The following GRM8 variants were observed in gnomAD, a reference collection of about 807,000 sequenced individuals.
GRM8 encodes the protein metabotropic glutamate receptor 8.
Under a neutral mutation model 87.2 loss-of-function variants are expected in GRM8, and 47 were observed. The ratio of observed to expected loss-of-function variants is 0.54; its 90% CI spans 0.43 to 0.69. The LOEUF is 0.69. Among genes scored for constraint, GRM8 ranks in the 30% least tolerant of loss-of-function variants. The pLI is 0.00. For missense variants in GRM8, 1,019 were observed against 1,139.2 expected (o/e 0.89, Z 1.52); for synonymous variants, 396 against 404.5 (o/e 0.98, Z 0.25).
Position 126,533,238 on chromosome 7 carries a change from AC to A in GRM8, c.2143del (p.Val715LeufsTer17). ...AATGATGATGTGGGGGGGATCCACA[AC>A]AAACCAGACAAACACTCCAAGGAGC... is the stretch of plus-strand genomic sequence containing the variant. Reference protein sequence around the residue: ...VQLLGVFVWFVVDPPHIIIDY... With the variant: ...VQLLGVFVWFXVDPPHIIIDY... On this transcript the variant is annotated frameshift_variant, in exon 9 of 11. Transcript: ENST00000339582. LOFTEE classifies it high-confidence loss of function. 1 of 1,613,546 alleles carries A rather than the reference AC, an allele frequency of 6.2e-7. No individual in the cohort carries two copies. Among genetic ancestry groups the A allele is most frequent in the Non-Finnish European group, 8.5e-7 (1 of 1,179,896 alleles).
At chr7:126,950,077 C>T (rs1226020529) in intron 3 of GRM8, among the ~76,000 whole-genome samples, 3 of 152,182 alleles carry the variant, frequency 2.0e-5, no homozygotes, top group East Asian at 1.9e-4. Context: ...TTAACTCTAT[C>T]GTTTCTAGGT....
chr7:126,827,257 T>G (rs1315239667), intron 6 of GRM8, among the ~76,000 whole-genome samples: 1 of 152,174 alleles, frequency 6.6e-6, no homozygotes, highest in African/African-American at 2.4e-5. Context: ...GTGAAGAAAG[T>G]CATTGGTAGC....
intron 3 of GRM8, among the ~76,000 whole-genome samples, chr7:126,945,922 T>G (rs1467266539): frequency 6.6e-6 from 1 of 152,158 alleles, no homozygotes; most frequent in Non-Finnish European, 1.5e-5. Flanking sequence ...AAGAGGAAAT[T>G]TTCCCTTTAC....
chr7:127,174,655 A>C (rs894840828), intron 2 of GRM8, among the ~76,000 whole-genome samples: 2 of 152,214 alleles, frequency 1.3e-5, no homozygotes, highest in Non-Finnish European at 2.9e-5. Flanking sequence ...GATGAAAAGC[A>C]TCAAGGTGGG....
chr7:126,847,921 A>G (rs1796854395), intron 6 of GRM8, among the ~76,000 whole-genome samples: 1 of 152,210 alleles, frequency 6.6e-6, no homozygotes, highest in South Asian at 2.1e-4. Context: ...CAAGACTTAA[A>G]GTGACATCAT....
intron 3 of GRM8, among the ~76,000 whole-genome samples, chr7:127,002,802 C>T (rs1003006068): frequency 2.0e-5 from 3 of 151,670 alleles, no homozygotes; most frequent in Non-Finnish European, 4.4e-5. Context: ...CCTCTTTGCA[C>T]AGATATAAAT....
At chr7:126,502,251 C>A (rs995893479) in intron 9 of GRM8, among the ~76,000 whole-genome samples, 1 of 152,036 alleles carries the variant, frequency 6.6e-6, no homozygotes, top group African/African-American at 2.4e-5. Flanking sequence ...TAATGTTACA[C>A]CATCTCTACA....
intron 2 of GRM8, among the ~76,000 whole-genome samples, chr7:127,186,618 G>C (rs1183041069): frequency 1.3e-5 from 2 of 152,096 alleles, no homozygotes; most frequent in Non-Finnish European, 2.9e-5. Flanking sequence ...CCACATCTTT[G>C]AAACTGTTCC....
intron 6 of GRM8, among the ~76,000 whole-genome samples, chr7:126,852,041 C>T (rs922938031): frequency 4.6e-5 from 7 of 152,058 alleles, no homozygotes; most frequent in Admixed American, 4.6e-4. Context: ...GCAGTCTGGC[C>T]CACATCTCCA....
At chr7:126,601,594 T>C (rs1167492857) in intron 8 of GRM8, among the ~76,000 whole-genome samples, 19 of 148,998 alleles carry the variant, frequency 1.3e-4, no homozygotes, top group Admixed American at 1.3e-4. Flanking sequence ...CCAGCACCTG[T>C]TGTTTCCTGA....
At chr7:126,450,994 T>C (rs546093558) in intron 9 of GRM8, among the ~76,000 whole-genome samples, 47 of 151,882 alleles carry the variant, frequency 3.1e-4, no homozygotes, top group Non-Finnish European at 5.2e-4. Flanking sequence ...AAGGGCCCCA[T>C]GCTTGGTTTA....
intron 6 of GRM8, among the ~76,000 whole-genome samples, chr7:126,771,142 G>T (rs1467125046): frequency 6.6e-6 from 1 of 152,012 alleles, no homozygotes; most frequent in Non-Finnish European, 1.5e-5. Context: ...TGAATAAATT[G>T]TATTTAAATT....
intron 2 of GRM8, among the ~76,000 whole-genome samples, chr7:127,195,035 A>G (rs1165175192): frequency 6.6e-6 from 1 of 152,184 alleles, no homozygotes; most frequent in Non-Finnish European, 1.5e-5. Flanking sequence ...TGATCTTATT[A>G]TAGATCACTC....
At chr7:126,631,104 A>G (rs1801208042) in intron 7 of GRM8, among the ~76,000 whole-genome samples, 1 of 152,172 alleles carries the variant, frequency 6.6e-6, no homozygotes, top group Non-Finnish European at 1.5e-5. Context: ...CTTTGTTTGT[A>G]GATGACATGA....
chr7:126,842,580 G>A (rs967170597), intron 6 of GRM8, among the ~76,000 whole-genome samples: 1 of 152,094 alleles, frequency 6.6e-6, no homozygotes, highest in African/African-American at 2.4e-5. Context: ...CTGATCAGCT[G>A]GATTTAAAAT....
intron 6 of GRM8, among the ~76,000 whole-genome samples, chr7:126,891,814 C>T (rs545572639): frequency 3.3e-5 from 5 of 152,068 alleles, no homozygotes; most frequent in Non-Finnish European, 5.9e-5. Context: ...AGGACAATAA[C>T]CATTTTTGTT....
At chr7:126,515,247 C>T (rs971581542) in intron 9 of GRM8, among the ~76,000 whole-genome samples, 5 of 151,956 alleles carry the variant, frequency 3.3e-5, no homozygotes, top group Admixed American at 3.3e-4. Flanking sequence ...AATTAGGATG[C>T]TTAATGCATA....
chr7:126,967,693 A>T (rs553990405), intron 3 of GRM8, among the ~76,000 whole-genome samples: 8 of 152,206 alleles, frequency 5.3e-5, no homozygotes, highest in Non-Finnish European at 1.0e-4. Flanking sequence ...CAATCACATA[A>T]AACAGAAAGC....
At chr7:126,949,335 T>C (rs1807886685) in intron 3 of GRM8, among the ~76,000 whole-genome samples, 1 of 152,128 alleles carries the variant, frequency 6.6e-6, no homozygotes, top group South Asian at 2.1e-4. Flanking sequence ...TCTTCCCTGA[T>C]CCACAGCAGC....
Sources: allele counts gnomAD v4.1 joint callset (sites outside exome capture counted in the v4.1 genomes callset), GRCh38; gene constraint gnomAD v4.1.1; transcripts MANE v1.5; gene names NCBI Gene and HGNC (gene_info 2026-07-23, HGNC 2026-07-21).